The following ACAD10 variants were observed in gnomAD, a reference collection of about 807,000 sequenced individuals.
The protein encoded by ACAD10 is ACAD-10.
A neutral mutation model predicts 116.8 loss-of-function variants in ACAD10; 112 were observed. That is an observed-to-expected ratio of 0.96 (90% CI 0.82 to 1.12). The LOEUF (loss-of-function observed/expected upper bound fraction) is 1.12. Among genes scored for constraint, ACAD10 ranks in the 50% most tolerant of loss-of-function variants. The pLI is 0.00. For synonymous variants in ACAD10, 486 were observed against 510.6 expected (o/e 0.95, Z 0.65); for missense variants, 1,259 against 1,350.2 (o/e 0.93, Z 1.06).
intron 2 of ACAD10, among the ~76,000 whole-genome samples, chr12:111,696,060 A>G (rs1888182529): frequency 6.6e-6 from 1 of 151,024 alleles, no homozygotes; most frequent in African/African-American, 2.4e-5. Flanking sequence ...TTACTGTACT[A>G]TACTATTTTT....
rs762031537 is a variant in ACAD10, at chr12:111,727,942, C to G, written c.1062-20C>G. On this transcript the variant is annotated intron_variant, in intron 8 of 20. Coordinates refer to ENST00000313698, the MANE Select transcript of ACAD10 (RefSeq NM_025247.6). ...ACATTATGACTCTGATCCCTGAAAC[C>G]CCTTCTGTGTTCCTCCCAGTGTCAT... 1.9e-6 allele frequency: 3 copies of G among 1,594,260 alleles called. No individual in the cohort carries two copies. Among genetic ancestry groups the G allele is most frequent in the South Asian group, 2.3e-5 (2 of 86,888 alleles).
chr12:111,689,626 A>G (rs988913116), intron 1 of ACAD10, among the ~76,000 whole-genome samples: 1 of 151,876 alleles, frequency 6.6e-6, no homozygotes, highest in Non-Finnish European at 1.5e-5. Context: ...ATCCGCCTAC[A>G]TTAGCATCCC....
At chr12:111,748,209 G>T in intron 16 of ACAD10, 108 bp from the exon 17 acceptor site, 1 of 1,382,750 alleles carries the variant, frequency 7.2e-7, no homozygotes. Flanking sequence ...GCCTTAAAGA[G>T]CTCTGTCTGC....
chr12:111,746,954 C>T lies in ACAD10; in HGVS notation c.2257-95C>T, dbSNP rs180770370. The T allele has an allele frequency of 8.8e-6, 13 of 1,477,576 alleles. No homozygotes were observed. In the East Asian group the frequency reaches 9.2e-5, roughly 10 times the overall value. The allele number at this position is 1,477,576 out of a possible 1,614,324, so 91.5% of individuals were successfully genotyped here. On this transcript the variant is annotated intron_variant, in intron 14 of 20. Coordinates refer to ENST00000313698, the MANE Select transcript of ACAD10 (RefSeq NM_025247.6). ...AGTCGAGGCTGCAGTGAGCCATGAT[C>T]GTGCCACGATACTCCAGCCTGGGTG... is the stretch of plus-strand genomic sequence containing the variant.
At chr12:111,688,643 A>C (rs1412741655) in intron 1 of ACAD10, among the ~76,000 whole-genome samples, 1 of 151,824 alleles carries the variant, frequency 6.6e-6, no homozygotes, top group East Asian at 1.9e-4. Context: ...CTCCACTATA[A>C]AAATACAAAA....
At position 111,702,328 on chromosome 12, in the gene ACAD10, C is replaced by T. The variant is rs1888370745; in HGVS notation, c.336+18C>T. 1 of 1,606,664 alleles carries T rather than the reference C, an allele frequency of 6.2e-7. No individual in the cohort carries two copies. Among genetic ancestry groups the T allele is most frequent in the African/African-American group, 1.3e-5 (1 of 74,300 alleles). On this transcript the variant is annotated intron_variant, in intron 3 of 20. Transcript: ENST00000313698. ...CTGAAATGGTGAGTGGTAAACATAC[C>T]TACATTTCCATATTTTTCTTTTTGC...
chr12:111,706,412 A>G (rs758717094), intron 4 of ACAD10, among the ~76,000 whole-genome samples: 18 of 152,174 alleles, frequency 1.2e-4, no homozygotes, highest in Admixed American at 4.6e-4. Context: ...TCGTTTTGAC[A>G]TGCTTGGCTA....
intron 17 of ACAD10, 69 bp downstream of exon 17, chr12:111,748,544 C>T: frequency 6.3e-7 from 1 of 1,575,092 alleles, no homozygotes; most frequent in Non-Finnish European, 8.7e-7. Context: ...CTGAGGGGCC[C>T]CTGCTCTTGT....
intron 3 of ACAD10, among the ~76,000 whole-genome samples, chr12:111,705,293 A>G (rs749600046): frequency 1.4e-4 from 22 of 152,034 alleles, no homozygotes; most frequent in Non-Finnish European, 2.2e-4. Flanking sequence ...TGGCTTGATC[A>G]TAGCTCACTG....
intron 2 of ACAD10, chr12:111,693,215 G>C (rs960480513): frequency 5.6e-5 from 16 of 284,698 alleles, no homozygotes; most frequent in Middle Eastern, 1.2e-3. Flanking sequence ...CTCAATCAAT[G>C]ATGAGCTGCC....
chr12:111,736,122 C>G (rs1889552969), intron 11 of ACAD10, among the ~76,000 whole-genome samples: 1 of 150,926 alleles, frequency 6.6e-6, no homozygotes, highest in African/African-American at 2.4e-5. Flanking sequence ...CTCAAATGAT[C>G]TGCCCTCCTC....
At chr12:111,742,786 G>A (rs1178404856) in intron 12 of ACAD10, among the ~76,000 whole-genome samples, 2 of 151,922 alleles carry the variant, frequency 1.3e-5, no homozygotes, top group African/African-American at 4.8e-5. Flanking sequence ...CTCGGCCCAC[G>A]GCAACCTCCA....
intron 12 of ACAD10, among the ~76,000 whole-genome samples, chr12:111,738,633 A>G (rs1040666201): frequency 6.6e-6 from 1 of 151,926 alleles, no homozygotes; most frequent in Non-Finnish European, 1.5e-5. Context: ...TTGGGAGGCC[A>G]AGGTGAGCAG....
intron 3 of ACAD10, among the ~76,000 whole-genome samples, chr12:111,703,069 A>G (rs1410013026): frequency 6.6e-6 from 1 of 150,766 alleles, no homozygotes; most frequent in African/African-American, 2.4e-5. Flanking sequence ...GGGCAACGTA[A>G]CAAGACTCTG....
chr12:111,705,012 A>C (rs1888458779), intron 3 of ACAD10, among the ~76,000 whole-genome samples: 1 of 151,848 alleles, frequency 6.6e-6, no homozygotes, highest in Non-Finnish European at 1.5e-5. Context: ...AAACCCACAC[A>C]GATTGAATTT....
At chr12:111,712,708 T>C (rs374467507) in intron 6 of ACAD10, 51 bp downstream of exon 6, 594 of 1,588,018 alleles carry the variant, frequency 3.7e-4, no homozygotes, top group Non-Finnish European at 4.5e-4. Context: ...GCGAAGGTTT[T>C]GGTCTGTTTC....
chr12:111,736,715 C>G (rs1368127166), intron 11 of ACAD10, 116 bp from the exon 12 acceptor site: 3 of 1,015,934 alleles, frequency 3.0e-6, no homozygotes, highest in Admixed American at 2.8e-5. Context: ...ACCCATGGAA[C>G]TGGTCGTGAA....
chr12:111,707,880 C>T (rs1179321515), intron 4 of ACAD10, among the ~76,000 whole-genome samples: 9 of 152,186 alleles, frequency 5.9e-5, no homozygotes, highest in Admixed American at 5.9e-4. Context: ...TCCCTGGAGG[C>T]TTTCATTGAG....
chr12:111,705,893 GAA>G lies in ACAD10; in HGVS notation c.495_496del (p.Ser166LeufsTer10), dbSNP rs773547297. 2.5e-6 allele frequency: 4 copies of G among 1,614,110 alleles called. No individual in the cohort carries two copies. In the Admixed American group the frequency reaches 6.7e-5, roughly 27 times the overall value. On this transcript the variant is annotated frameshift_variant, in exon 4 of 21. Transcript: ENST00000313698. LOFTEE classifies it high-confidence loss of function. The part of the protein sequence containing the change: ...LSNNFYLPNQ[K>X]SFLPLDRKQF... ...GCAATAATTTTTATCTTCCCAACCAGAAAAGCTTTTTGCCCCTGGACCGGAAA... is the reference window on the plus strand; with the variant it reads ...GCAATAATTTTTATCTTCCCAACCAGAAGCTTTTTGCCCCTGGACCGGAAA...
Sources: gnomAD v4.1 joint callset for allele counts (sites outside exome capture counted in the v4.1 genomes callset) on GRCh38, gnomAD v4.1.1 for gene constraint, MANE v1.5 for transcripts, NCBI Gene and HGNC (gene_info 2026-07-23, HGNC 2026-07-21) for gene names.